Variants in CYP4F8 observed in about 807,000 individuals in gnomAD.
The protein encoded by CYP4F8 is cytochrome P450 4F8.
Under a neutral mutation model 55.0 loss-of-function variants are expected in CYP4F8, and 56 were observed. The ratio of observed to expected loss-of-function variants is 1.02; its 90% CI spans 0.82 to 1.27. CYP4F8 has a LOEUF of 1.27. Ranked by LOEUF, CYP4F8 falls within the 50% of genes most tolerant of loss-of-function variation. The pLI is 0.00. For synonymous variants in CYP4F8, 288 were observed against 267.3 expected, an observed-to-expected ratio of 1.08 and a Z score of -0.76; for missense variants, 680 against 682.4, an observed-to-expected ratio of 1.00 and a Z score of 0.04.
chr19:15,622,701 G>C (rs62106287), intron 6 of CYP4F8: 2 of 361,908 alleles, frequency 5.5e-6, no homozygotes, highest in Admixed American at 4.5e-5. Context: ...AGCCATGGAG[G>C]TGTTTGAGCA....
Position 15,622,079 on chromosome 19 carries a change from C to T in CYP4F8, c.526-140C>T, listed in dbSNP as rs538964110. Reference sequence around the variant, plus strand: ...GTAACAGCTTCCACTCTCACCCAAGCGTAGTCCTCCCTGAGGATGGGGGTC... The same window carrying T: ...GTAACAGCTTCCACTCTCACCCAAGTGTAGTCCTCCCTGAGGATGGGGGTC... On this transcript the variant is annotated intron_variant, in intron 5 of 12. Coordinates refer to ENST00000612078, the MANE Select transcript of CYP4F8 (RefSeq NM_007253.4). 12 of 1,148,200 alleles carry T rather than the reference C, an allele frequency of 1.0e-5. No homozygotes were observed. The East Asian group carries it at 1.6e-4, about 16-fold the overall frequency. The allele number at this position is 1,148,200 out of a possible 1,614,324, so 71.1% of individuals were successfully genotyped here. A position where few individuals can be genotyped will look rare whatever the true frequency, so the allele number is the denominator to read the frequency against.
rs993628823 is a variant in CYP4F8 at position 15,629,235 on chromosome 19, G to T, written c.1440G>T (p.Val480=). 2 of 1,613,094 alleles carry T rather than the reference G, an allele frequency of 1.2e-6. No homozygotes were observed. The highest frequency in any genetic ancestry group is 1.7e-5 in the Admixed American group (1 of 59,916). ...AGTTCGCGATGGCAGAGATGAAGGT[G>T]GTCCTGGCGCTCACGCTGCTGCGCT... ...GQKFAMAEMK[V]VLALTLLRFR... Residue 480 remains valine (V), a synonymous_variant, in exon 13 of 13, where the codon GTG becomes GTT. Coordinates refer to ENST00000612078, the MANE Select transcript of CYP4F8 (RefSeq NM_007253.4).
At chr19:15,621,781 C>A in intron 5 of CYP4F8, 1 of 160,168 alleles carries the variant, frequency 6.2e-6, no homozygotes, top group Non-Finnish European at 1.4e-5. Flanking sequence ...AGGATATTTT[C>A]CACCCTCTCC....
intron 9 of CYP4F8, chr19:15,628,059 G>A (rs960355220): frequency 6.8e-5 from 38 of 562,002 alleles, no homozygotes; most frequent in African/African-American, 3.4e-4. Flanking sequence ...GCACCCCGCC[G>A]GAATGAATAC....
At chr19:15,618,688 G>C (rs1972155309) in intron 3 of CYP4F8, 1 of 250,010 alleles carries the variant, frequency 4.0e-6, no homozygotes, top group Non-Finnish European at 7.8e-6. Flanking sequence ...TGCAGGCCCA[G>C]AGCAAGGACA....
At position 15,623,129 on chromosome 19, in the gene CYP4F8, G is replaced by C. The variant is rs1170374494; in HGVS notation, c.672G>C (p.Ala224=). The C allele has an allele frequency of 7.4e-6, 12 of 1,614,026 alleles. No homozygotes were observed. Among genetic ancestry groups the C allele is most frequent in the South Asian group, 1.1e-5 (1 of 91,068 alleles). Residue 224 remains alanine, a synonymous_variant, in exon 7 of 13, where the codon GCG becomes GCC. Transcript: ENST00000612078. ...GGAAGCCCAGTGAATATATTACTGC[G>C]ATCATGGAGCTCAGTGCCCTTGTAG... is the stretch of plus-strand genomic sequence containing the variant. ...CQEKPSEYIT[A]IMELSALVVK...
At chr19:15,623,446 G>A (rs775958406) in intron 7 of CYP4F8, 71 bp downstream of exon 7, 345 of 1,585,370 alleles carry the variant, frequency 2.2e-4, no homozygotes, top group Middle Eastern at 1.4e-3. Flanking sequence ...TTGAAGGACC[G>A]GACTTGATAC....
chr19:15,622,847 A>T (rs1003151079), intron 6 of CYP4F8: 10 of 532,864 alleles, frequency 1.9e-5, no homozygotes, highest in Admixed American at 1.3e-4. Flanking sequence ...AATGGGGCAG[A>T]TTTGGGAGAA....
Position 15,628,523 on chromosome 19 carries a change from C to A in CYP4F8, c.1250-8C>A. 6.2e-7 allele frequency: 1 copy of A among 1,613,774 alleles called. No individual in the cohort carries two copies. On this transcript the variant is annotated splice_polypyrimidine_tract_variant and splice_region_variant and intron_variant, in intron 10 of 12. Transcript: ENST00000612078. ...ACCTTGTTCTTACTGTCCTCTCCTG[C>A]ACGACAGGGAATGTCTGTAACATCA...
chr19:15,622,392 GT>G, intron 6 of CYP4F8, 52 bp downstream of exon 6: 1 of 1,545,400 alleles, frequency 6.5e-7, no homozygotes, highest in Non-Finnish European at 8.8e-7. Context: ...GGGTGTGGGT[GT>G]GGGGAGAGCA....
chr19:15,617,483 CATCTATCTATCTATCTATCT>C (rs71176449), intron 2 of CYP4F8, among the ~76,000 whole-genome samples: 35,528 of 149,612 alleles, frequency 0.24, 4,373 homozygotes, highest in South Asian at 0.27. Flanking sequence ...TCAATATCTA[CATCTATCTATCTATCTATCT>C]ATCTATCTAT....
intron 3 of CYP4F8, chr19:15,618,988 GC>G (rs1192184704): frequency 5.9e-6 from 1 of 169,014 alleles, no homozygotes; most frequent in Admixed American, 5.5e-5. Flanking sequence ...GTGACTCTGG[GC>G]AGGTCCACGG....
At chr19:15,627,423 G>A (rs2144611829) in intron 9 of CYP4F8, 1 of 149,786 alleles carries the variant, frequency 6.7e-6, no homozygotes, top group Non-Finnish European at 1.5e-5. Context: ...GCAGTGAGCT[G>A]AGATCAGGCC....
intron 9 of CYP4F8, 51 bp downstream of exon 9, chr19:15,624,145 C>T (rs1238524111): frequency 1.9e-6 from 3 of 1,594,766 alleles, no homozygotes; most frequent in Non-Finnish European, 1.7e-6. Flanking sequence ...GAGTCCTTCT[C>T]GTTGGTTCTT....
At chr19:15,626,916 C>G (rs1291302142) in intron 9 of CYP4F8, among the ~76,000 whole-genome samples, 1 of 152,034 alleles carries the variant, frequency 6.6e-6, no homozygotes, top group Non-Finnish European at 1.5e-5. Flanking sequence ...CTCTCTGTTC[C>G]CACATTTCCA....
intron 5 of CYP4F8, among the ~76,000 whole-genome samples, chr19:15,621,254 AGGGTTGACC>A (rs1002246030): frequency 6.6e-6 from 1 of 152,160 alleles, no homozygotes; most frequent in African/African-American, 2.4e-5. Flanking sequence ...TAAGAACCTC[AGGGTTGACC>A]GGGTGTGGTG....
At chr19:15,628,972 G>A in intron 12 of CYP4F8, 129 bp downstream of exon 12, 2 of 1,278,570 alleles carry the variant, frequency 1.6e-6, no homozygotes, top group Non-Finnish European at 2.1e-6. Flanking sequence ...TAGGAAAAAG[G>A]GTGTGCTCAG....
chr19:15,615,809 G>T lies in CYP4F8; in HGVS notation c.193G>T (p.Gly65Cys). Residue 65 changes from glycine (G) to cysteine (C), a missense_variant, in exon 2 of 13, where the codon GGC (glycine) becomes TGC (cysteine). By Grantham distance (159) the Gly-to-Cys change is radical (BLOSUM62 -3). Coordinates refer to ENST00000612078, the MANE Select transcript of CYP4F8 (RefSeq NM_007253.4). Reference sequence around the variant, plus strand: ...ACAGAACTGGTTCTTGGGTCACCTGGGCCTGGTGAGTGGCAGGAGGATGGA... The same window carrying T: ...ACAGAACTGGTTCTTGGGTCACCTGTGCCTGGTGAGTGGCAGGAGGATGGA... ...RKQNWFLGHLGLVTPTEEGLR... is the reference protein window; with the variant it reads ...RKQNWFLGHLCLVTPTEEGLR... The T allele has an allele frequency of 6.2e-7, 1 of 1,610,474 alleles. No individual in the cohort carries two copies. Among genetic ancestry groups the T allele is most frequent in the Non-Finnish European group, 8.5e-7 (1 of 1,177,832 alleles).
Position 15,626,791 on chromosome 19 carries a change from C to G in CYP4F8, c.1116-1511C>G, listed in dbSNP as rs147275312. On this transcript the variant is annotated intron_variant, in intron 9 of 12. Coordinates refer to ENST00000612078, the MANE Select transcript of CYP4F8 (RefSeq NM_007253.4). ...TAAGCTTTTGGGGTTTTAAGAATTC[C>G]TACTCTTAAGTCACAAAAATTTCTC... 4.6e-5 allele frequency among the ~76,000 whole-genome samples: 7 copies of G among 152,146 alleles called. No homozygotes were observed. The East Asian group carries it at 1.3e-3, about 29-fold the overall frequency.
Sources: gnomAD v4.1 joint callset for allele counts (sites outside exome capture counted in the v4.1 genomes callset) on GRCh38, gnomAD v4.1.1 for gene constraint, MANE v1.5 for transcripts, NCBI Gene and HGNC (gene_info 2026-07-23, HGNC 2026-07-21) for gene names.